Variants in MYO5B observed in about 807,000 individuals in gnomAD.
MYO5B encodes myosin VB.
MYO5B carries 143 observed loss-of-function variants against 229.3 expected under a neutral mutation model. The observed-to-expected ratio is 0.62, with a 90% CI of 0.54 to 0.72. The LOEUF (loss-of-function observed/expected upper bound fraction) is 0.72. MYO5B is among the 30% of genes least tolerant of loss of function. The pLI is 0.00. For synonymous variants in MYO5B, 918 were observed against 885.2 expected (o/e 1.04, Z -0.66); for missense variants, 2,321 against 2,331.0 (o/e 1.00, Z 0.09).
At chr18:49,920,543 G>C (rs2025062827) in intron 17 of MYO5B, among the ~76,000 whole-genome samples, 1 of 152,096 alleles carries the variant, frequency 6.6e-6, no homozygotes, top group Admixed American at 6.5e-5. Context: ...AGTGGCCCTA[G>C]ATCTGAAGCC....
intron 4 of MYO5B, among the ~76,000 whole-genome samples, chr18:50,012,452 G>A (rs909373710): frequency 3.3e-5 from 5 of 152,152 alleles, no homozygotes; most frequent in African/African-American, 7.2e-5. Context: ...CTAGCTATTC[G>A]CTTATGATAA....
In MYO5B at chr18:49,929,501, A is replaced by T; in HGVS notation, c.2090+11T>A. The T allele has an allele frequency of 6.2e-7, 1 of 1,600,752 alleles. No individual in the cohort carries two copies. Among genetic ancestry groups the T allele is most frequent in the Non-Finnish European group, 8.5e-7 (1 of 1,174,198 alleles). On this transcript the variant is annotated intron_variant, in intron 17 of 39. Coordinates refer to ENST00000285039, the MANE Select transcript of MYO5B (RefSeq NM_001080467.3). The stretch of plus-strand genomic sequence containing the variant: ...CAGCCCCAGGAGGCAGCTGGCGGGC[A>T]CGTTAGTTACCTGGATGGGTAGCCA...
At chr18:50,182,488 G>A (rs1340579272) in intron 1 of MYO5B, among the ~76,000 whole-genome samples, 1 of 152,174 alleles carries the variant, frequency 6.6e-6, no homozygotes, top group Non-Finnish European at 1.5e-5. Flanking sequence ...GAGAAGGTAA[G>A]GGCAAAAATA....
At chr18:49,916,488 C>T (rs553494662) in intron 17 of MYO5B, among the ~76,000 whole-genome samples, 23 of 152,302 alleles carry the variant, frequency 1.5e-4, no homozygotes, top group African/African-American at 4.6e-4. Context: ...GGAGATGGGG[C>T]GTATGGAGAG....
At chr18:50,128,715 A>T (rs993394319) in intron 1 of MYO5B, among the ~76,000 whole-genome samples, 1 of 152,188 alleles carries the variant, frequency 6.6e-6, no homozygotes, top group Admixed American at 6.5e-5. Context: ...TAAGAATCCG[A>T]GATCCTTTAC....
chr18:50,090,060 G>A (rs1161568993), intron 1 of MYO5B, among the ~76,000 whole-genome samples: 2 of 152,066 alleles, frequency 1.3e-5, no homozygotes, highest in Non-Finnish European at 2.9e-5. Flanking sequence ...TCCCTCTCTC[G>A]GCTTTGGAGC....
At chr18:50,127,640 C>T (rs530079721) in intron 1 of MYO5B, among the ~76,000 whole-genome samples, 9 of 152,298 alleles carry the variant, frequency 5.9e-5, no homozygotes, top group East Asian at 1.9e-4. Context: ...GAAAACCTCA[C>T]GGAAGAGGTG....
chr18:50,044,902 A>G (rs1052519474), intron 2 of MYO5B, among the ~76,000 whole-genome samples: 4 of 151,504 alleles, frequency 2.6e-5, no homozygotes, highest in South Asian at 2.1e-4. Flanking sequence ...AGGAGGGGGG[A>G]AAAAGGAGGG....
At chr18:49,929,740 G>A (rs972189614) in intron 16 of MYO5B, 142 bp from the exon 17 acceptor site, 2 of 759,412 alleles carry the variant, frequency 2.6e-6, no homozygotes, top group Non-Finnish European at 4.5e-6. Context: ...TTACCCTTGA[G>A]CTCAAGTCAG....
chr18:50,117,316 G>T (rs187703085), intron 1 of MYO5B, among the ~76,000 whole-genome samples: 1 of 152,038 alleles, frequency 6.6e-6, no homozygotes, highest in Non-Finnish European at 1.5e-5. Context: ...AAACTCTATG[G>T]GTTTATTTCT....
intron 22 of MYO5B, among the ~76,000 whole-genome samples, chr18:49,894,319 C>T (rs1972247652): frequency 6.6e-6 from 1 of 152,094 alleles, no homozygotes; most frequent in South Asian, 2.1e-4. Flanking sequence ...ACAGCAATGA[C>T]CCAAGTCTGT....
At chr18:49,889,651 C>T (rs200396332) in intron 22 of MYO5B, among the ~76,000 whole-genome samples, 46 of 152,086 alleles carry the variant, frequency 3.0e-4, no homozygotes, top group African/African-American at 9.2e-4. Context: ...CCTGAGAAGA[C>T]CAAGACCCCT....
chr18:50,127,224 G>C (rs758694315), intron 1 of MYO5B, among the ~76,000 whole-genome samples: 10 of 152,132 alleles, frequency 6.6e-5, no homozygotes, highest in Non-Finnish European at 1.5e-4. Context: ...AAAATTTCTA[G>C]CATCTCAACC....
chr18:49,936,310 C>A lies in MYO5B; in HGVS notation c.1945G>T (p.Ala649Ser). The A allele has an allele frequency of 6.2e-7, 1 of 1,603,470 alleles. No individual in the cohort carries two copies. Among genetic ancestry groups the A allele is most frequent in the Non-Finnish European group, 8.5e-7 (1 of 1,174,404 alleles). The change falls in exon 16 of 40, where the codon GCC becomes TCC. Residue 649 changes from alanine (A) to serine (S), a missense_variant. Ala to Ser is a moderately conservative substitution (Grantham distance 99). This residue lies in a region of MYO5B where 2,113 missense variants were observed against 2,044.7 expected (regional missense o/e 1.03). Transcript: ENST00000285039. The stretch of plus-strand genomic sequence containing the variant: ...CAGCGGACATAGTGAGGTGTCGTGG[C>A]ATTCAGGGTCTCCATGAGCAGATGC... ...SLHLLMETLNATTPHYVRCIK... is the reference protein window; with the variant it reads ...SLHLLMETLNSTTPHYVRCIK...
intron 1 of MYO5B, among the ~76,000 whole-genome samples, chr18:50,159,614 T>C (rs2032733525): frequency 6.6e-6 from 1 of 151,874 alleles, no homozygotes; most frequent in Non-Finnish European, 1.5e-5. Context: ...AAATCCCAAA[T>C]CCTCCCCCAC....
chr18:49,881,859 A>T (rs1035672952), intron 22 of MYO5B, among the ~76,000 whole-genome samples: 1 of 152,074 alleles, frequency 6.6e-6, no homozygotes, highest in African/African-American at 2.4e-5. Flanking sequence ...GCTATTTATT[A>T]TTAGAGCAAC....
chr18:50,023,858 G>A (rs898242334), intron 4 of MYO5B, among the ~76,000 whole-genome samples: 14 of 152,112 alleles, frequency 9.2e-5, no homozygotes, highest in Non-Finnish European at 1.6e-4. Flanking sequence ...GGTATCATGC[G>A]TTGAAGATGC....
Position 49,929,544 on chromosome 18 carries a change from C to T in MYO5B, c.2058G>A (p.Thr686=), listed in dbSNP as rs533321748. The part of the protein sequence containing the change: ...QQLRACGVLE[T]IRISAAGYPS... ...GGTAGCCAGCTGCACTGATTCGAAT[C>T]GTCTCCAACACCCCGCAGGCTCTGA... The change falls in exon 17 of 40, where the codon ACG becomes ACA. Residue 686 remains threonine, a synonymous_variant. Coordinates refer to ENST00000285039, the MANE Select transcript of MYO5B (RefSeq NM_001080467.3). 36 of 1,608,466 alleles carry T rather than the reference C, an allele frequency of 2.2e-5. No individual in the cohort carries two copies. Among genetic ancestry groups the T allele is most frequent in the South Asian group, 1.9e-4 (17 of 90,510 alleles).
chr18:49,984,612 T>C (rs775991493), intron 8 of MYO5B, 106 bp downstream of exon 8: 2 of 857,798 alleles, frequency 2.3e-6, no homozygotes, highest in Admixed American at 1.8e-5. Flanking sequence ...GCATCTCCCA[T>C]TAGCTCCTGC....
Sources: allele counts gnomAD v4.1 joint callset (sites outside exome capture counted in the v4.1 genomes callset), GRCh38; gene constraint gnomAD v4.1.1; regional missense constraint gnomAD v4.1.1; transcripts MANE v1.5; gene names NCBI Gene and HGNC (gene_info 2026-07-23, HGNC 2026-07-21).